ESYT2: variants seen among roughly 807,000 people sequenced by gnomAD.
ESYT2 encodes extended synaptotagmin 2, also known as extended synaptotagmin-2.
ESYT2 carries 54 observed loss-of-function variants against 107.2 expected under a neutral mutation model. The ratio of observed to expected loss-of-function variants is 0.50; its 90% CI spans 0.40 to 0.63. The LOEUF (loss-of-function observed/expected upper bound fraction) is 0.63, where lower values mean the gene tolerates loss of function less well. ESYT2 is among the 30% of genes least tolerant of loss of function. The pLI is 0.00. For missense variants in ESYT2, 1,020 were observed against 1,094.5 expected, an observed-to-expected ratio of 0.93 and a Z score of 0.96; for synonymous variants, 491 against 434.1, an observed-to-expected ratio of 1.13 and a Z score of -1.63.
At chr7:158,800,610 G>A (rs187747110) in intron 1 of ESYT2, among the ~76,000 whole-genome samples, 145 of 152,054 alleles carry the variant, frequency 9.5e-4, no homozygotes, top group Non-Finnish European at 2.8e-4. Flanking sequence ...GGCTTGTCTT[G>A]AACATCTGGC....
chr7:158,826,296 T>G (rs980351140), intron 1 of ESYT2, among the ~76,000 whole-genome samples: 17 of 152,310 alleles, frequency 1.1e-4, no homozygotes, highest in African/African-American at 4.1e-4. Flanking sequence ...ACATAATCAC[T>G]GTCAAGTTTC....
intron 4 of ESYT2, among the ~76,000 whole-genome samples, chr7:158,792,160 C>CATTTT: frequency 8.1e-6 from 1 of 123,350 alleles, no homozygotes; most frequent in Non-Finnish European, 1.7e-5. Context: ...TCCACGAGTT[C>CATTTT]TTTTTTTTTT....
At position 158,759,573 on chromosome 7, in the gene ESYT2, T is replaced by C. The variant is rs770841782; in HGVS notation, c.1332A>G (p.Thr444=). The C allele has an allele frequency of 5.0e-6, 8 of 1,609,312 alleles. No individual in the cohort carries two copies. In the East Asian group the frequency reaches 1.3e-4, roughly 27 times the overall value. Residue 444 remains threonine (T), a synonymous_variant, in exon 13 of 23, where the codon ACA becomes ACG. Transcript: ENST00000275418. The part of the protein sequence containing the change: ...PNASNLDKVL[T]DIKADKDQAN... ...CTTGGTCTTTGTCAGCTTTGATGTC[T>C]GTTAGCACCTAAAAGGAAAGGAAAA...
intron 3 of ESYT2, among the ~76,000 whole-genome samples, chr7:158,794,299 C>G (rs1839395580): frequency 6.6e-6 from 1 of 152,160 alleles, no homozygotes; most frequent in African/African-American, 2.4e-5. Context: ...TTTAAACCAG[C>G]CTGGGCAACA....
chr7:158,748,016 A>C (rs1837461477), intron 16 of ESYT2, among the ~76,000 whole-genome samples, 178 bp downstream of exon 16: 1 of 152,242 alleles, frequency 6.6e-6, no homozygotes, highest in African/African-American at 2.4e-5. Context: ...CAGTGACCAA[A>C]GGCAGGTCTG....
At position 158,787,110 on chromosome 7, in the gene ESYT2, G is replaced by A. The variant is rs181062600; in HGVS notation, c.747+894C>T. Among the ~76,000 whole-genome samples, 4 of 152,260 alleles carry A rather than the reference G, an allele frequency of 2.6e-5. No individual in the cohort carries two copies. The East Asian group carries it at 5.8e-4, about 22-fold the overall frequency. Reference sequence around the variant, plus strand: ...AACACGGAGGGCAGCAAAGGGAGACGCTGGACAGAGGCTGCAGGAGCCCAG... The same window carrying A: ...AACACGGAGGGCAGCAAAGGGAGACACTGGACAGAGGCTGCAGGAGCCCAG... On this transcript the variant is annotated intron_variant, in intron 6 of 22. Coordinates refer to ENST00000275418, the MANE Select transcript of ESYT2 (RefSeq NM_001367773.1).
chr7:158,754,520 T>A (rs185252737), intron 13 of ESYT2, among the ~76,000 whole-genome samples: 217 of 152,118 alleles, frequency 1.4e-3, no homozygotes, highest in African/African-American at 4.9e-3. Context: ...CTTTTTTTTT[T>A]AAATGACAGC....
At chr7:158,738,894 A>AAT in intron 19 of ESYT2, 129 bp downstream of exon 19, 1 of 946,628 alleles carries the variant, frequency 1.1e-6, no homozygotes, top group African/African-American at 1.6e-5. Flanking sequence ...CTAGAGGTTT[A>AAT]ATTGCTTTGT....
intron 6 of ESYT2, among the ~76,000 whole-genome samples, chr7:158,785,463 A>AATC (rs1563019053): frequency 6.7e-6 from 1 of 150,056 alleles, no homozygotes; most frequent in African/African-American, 2.5e-5. Context: ...ATAAATAAAT[A>AATC]AATAAATAAA....
intron 3 of ESYT2, among the ~76,000 whole-genome samples, chr7:158,795,441 C>T (rs545240088): frequency 3.9e-5 from 6 of 152,324 alleles, no homozygotes; most frequent in East Asian, 1.9e-4. Context: ...TCCACAAACA[C>T]GAACATGCTG....
chr7:158,829,391 C>T lies in ESYT2; in HGVS notation c.28G>A (p.Glu10Lys). 1 of 1,228,306 alleles carries T rather than the reference C, an allele frequency of 8.1e-7. No individual in the cohort carries two copies. Among genetic ancestry groups the T allele is most frequent in the Middle Eastern group, 3.2e-4 (1 of 3,092 alleles). 76.1% of individuals were successfully genotyped at this position (1,228,306 alleles called of 1,614,324 possible). A position where few individuals can be genotyped will look rare whatever the true frequency, so the allele number is the denominator to read the frequency against. The change falls in exon 1 of 23, where the codon GAG becomes AAG. Residue 10 changes from glutamate (E) to lysine (K), a missense_variant. Coordinates refer to ENST00000275418, the MANE Select transcript of ESYT2 (RefSeq NM_001367773.1). ...CCCCCAGCCCCGCCGGCGCCCGCCT[C>T]CGGGCCCTCGCCCCGGGCGCCGCTC... Reference protein sequence around the residue: MSGARGEGPEAGAGGAGGRA... With the variant: MSGARGEGPKAGAGGAGGRA...
At chr7:158,784,237 A>C (rs1839031344) in intron 6 of ESYT2, among the ~76,000 whole-genome samples, 1 of 151,878 alleles carries the variant, frequency 6.6e-6, no homozygotes, top group Admixed American at 6.6e-5. Flanking sequence ...TACTGCAAAA[A>C]CTCCCAGTTA....
At chr7:158,803,383 G>C (rs1035601635) in intron 1 of ESYT2, among the ~76,000 whole-genome samples, 1 of 152,174 alleles carries the variant, frequency 6.6e-6, no homozygotes, top group African/African-American at 2.4e-5. Flanking sequence ...AACATGAGAC[G>C]CCTCTTCTTT....
chr7:158,743,988 C>T (rs1191780197), intron 16 of ESYT2: 5 of 230,622 alleles, frequency 2.2e-5, no homozygotes, highest in Admixed American at 6.2e-5. Flanking sequence ...GCATGAGAAT[C>T]GCTTGAACCT....
chr7:158,818,653 T>C (rs867683273), intron 1 of ESYT2, among the ~76,000 whole-genome samples: 1 of 152,248 alleles, frequency 6.6e-6, no homozygotes, highest in African/African-American at 2.4e-5. Context: ...TGCCCGCCCA[T>C]GTCCAGTGTG....
At chr7:158,828,932 A>T (rs1563047043) in intron 1 of ESYT2, among the ~76,000 whole-genome samples, 157 bp downstream of exon 1, 1 of 141,722 alleles carries the variant, frequency 7.1e-6, no homozygotes, top group African/African-American at 2.6e-5. Flanking sequence ...GCCTGCCTGG[A>T]CCGGGGTGGG....
intron 1 of ESYT2, among the ~76,000 whole-genome samples, chr7:158,815,206 A>G (rs995093533): frequency 6.6e-6 from 1 of 152,182 alleles, no homozygotes; most frequent in Non-Finnish European, 1.5e-5. Context: ...AGCTATCCAC[A>G]CGGTCTTCCG....
intron 6 of ESYT2, among the ~76,000 whole-genome samples, chr7:158,783,763 G>C (rs1839010735): frequency 6.6e-6 from 1 of 152,240 alleles, no homozygotes; most frequent in Non-Finnish European, 1.5e-5. Context: ...CACATCACGT[G>C]GTGGCACCTG....
At chr7:158,758,252 T>A (rs754841652) in intron 13 of ESYT2, among the ~76,000 whole-genome samples, 5 of 152,238 alleles carry the variant, frequency 3.3e-5, no homozygotes, top group Non-Finnish European at 7.3e-5. Context: ...TGTAGGTAAC[T>A]TTAAATAAAA....
Sources: allele counts gnomAD v4.1 joint callset (sites outside exome capture counted in the v4.1 genomes callset), GRCh38; gene constraint gnomAD v4.1.1; transcripts MANE v1.5; gene names NCBI Gene and HGNC (gene_info 2026-07-23, HGNC 2026-07-21).